The following ZNF248 variants were observed in gnomAD, a reference collection of about 807,000 sequenced individuals.
The protein encoded by ZNF248 is KRAB protein domain.
ZNF248 carries 20 observed loss-of-function variants against 44.3 expected under a neutral mutation model. The observed-to-expected ratio is 0.45, with a 90% CI of 0.32 to 0.66. The LOEUF (loss-of-function observed/expected upper bound fraction) is 0.66. Among genes scored for constraint, ZNF248 ranks in the 30% least tolerant of loss-of-function variants. The pLI is 0.04. For missense variants in ZNF248, 654 were observed against 677.0 expected (o/e 0.97, Z 0.38); for synonymous variants, 224 against 229.0 (o/e 0.98, Z 0.20).
intron 6 of ZNF248, among the ~76,000 whole-genome samples, chr10:37,808,354 C>G (rs1400530263): frequency 6.6e-6 from 1 of 151,380 alleles, no homozygotes; most frequent in East Asian, 1.9e-4. Context: ...GTGATCTCAG[C>G]TCACTGCAAC....
At chr10:37,824,482 T>G (rs1218852719), downstream of ZNF248, among the ~76,000 whole-genome samples, 2 of 152,082 alleles carry the variant, frequency 1.3e-5, no homozygotes, top group Non-Finnish European at 2.9e-5. Context: ...GTCTATTTAA[T>G]AAATGGTGTT....
chr10:37,832,292 T>C lies in ZNF248; in HGVS notation c.1063A>G (p.Asn355Asp), dbSNP rs1564574704. ...VHMGGKSYDYNENGSNFSKKS... is the reference protein window; with the variant it reads ...VHMGGKSYDYDENGSNFSKKS... ...TTGCTGAAATTACTCCCATTTTCAT[T>C]GTAATCATAAGACTTTCCCCCCATG... is the stretch of plus-strand genomic sequence containing the variant. Residue 355 changes from asparagine to aspartate, a missense_variant, in exon 6 of 6, where the codon AAT (asparagine) becomes GAT (aspartate). By Grantham distance (23) the Asn-to-Asp change is conservative. Transcript: ENST00000395867. 3.7e-6 allele frequency: 6 copies of C among 1,613,946 alleles called. No homozygotes were observed. Among genetic ancestry groups the C allele is most frequent in the African/African-American group, 1.3e-5 (1 of 74,926 alleles).
chr10:37,848,586 CA>C (rs11297654), intron 3 of ZNF248, among the ~76,000 whole-genome samples: 67,610 of 138,016 alleles, frequency 0.49, 15,621 homozygotes, highest in Admixed American at 0.54. Context: ...GACTCCGTCT[CA>C]AAAAAAAAAA....
At chr10:37,796,716 A>T (rs546391136) in intron 6 of ZNF248, among the ~76,000 whole-genome samples, 11 of 151,892 alleles carry the variant, frequency 7.2e-5, no homozygotes, top group Non-Finnish European at 1.6e-4. Context: ...TTTTGCAAAA[A>T]AAGTATTTGT....
downstream of ZNF248, among the ~76,000 whole-genome samples, chr10:37,773,202 A>G (rs1742240): frequency 0.06 from 9,116 of 152,272 alleles, 353 homozygotes; most frequent in Middle Eastern, 0.095. Context: ...CTGGGATCAC[A>G]CCACAGCACT....
the ZNF248 span, among the ~76,000 whole-genome samples, chr10:37,771,505 A>C: frequency 3.0e-4 from 31 of 102,778 alleles, no homozygotes; most frequent in Admixed American, 2.2e-3. Flanking sequence ...CATCATTCTC[A>C]GCAAACTATC....
At chr10:37,780,716 T>A (rs1402093497) in intron 6 of ZNF248, among the ~76,000 whole-genome samples, 2 of 152,042 alleles carry the variant, frequency 1.3e-5, no homozygotes, top group Non-Finnish European at 2.9e-5. Flanking sequence ...CGCGCGCACG[T>A]GCCCAAACTT....
At chr10:37,787,660 A>T (rs1271048800) in intron 6 of ZNF248, among the ~76,000 whole-genome samples, 1 of 150,538 alleles carries the variant, frequency 6.6e-6, no homozygotes, top group African/African-American at 2.4e-5. Context: ...AAAAAAAAAT[A>T]GTAACTTAGA....
chr10:37,803,721 T>G (rs982120402), intron 6 of ZNF248: 5 of 152,542 alleles, frequency 3.3e-5, no homozygotes, highest in Non-Finnish European at 7.3e-5. Flanking sequence ...GTAAATTTAG[T>G]TGGAACCTTC....
downstream of ZNF248, among the ~76,000 whole-genome samples, chr10:37,827,638 G>A (rs1183743974): frequency 3.9e-5 from 6 of 152,262 alleles, no homozygotes; most frequent in South Asian, 4.1e-4. Flanking sequence ...GTCACTGGAC[G>A]AGAGATGAAG....
chr10:37,837,834 A>T, intron 4 of ZNF248, 122 bp from the exon 5 acceptor site: 1 of 1,346,984 alleles, frequency 7.4e-7, no homozygotes, highest in South Asian at 1.4e-5. Context: ...CAAATGAACC[A>T]ATCTCTGACA....
chr10:37,846,250 A>C (rs1301449198), intron 3 of ZNF248, among the ~76,000 whole-genome samples: 1 of 152,246 alleles, frequency 6.6e-6, no homozygotes, highest in African/African-American at 2.4e-5. Flanking sequence ...GGTAACAGAA[A>C]GAGGAATTAT....
At position 37,831,514 on chromosome 10, in the gene ZNF248, G is replaced by C. The variant is rs374715608; in HGVS notation, c.*101C>G. The C allele has an allele frequency of 3.8e-5, 56 of 1,485,314 alleles. No homozygotes were observed. The African/African-American group carries it at 6.8e-4, about 18-fold the overall frequency. The allele number at this position is 1,485,314 out of a possible 1,614,324, so 92.0% of individuals were successfully genotyped here. ...TGAAAGCTTTTACATATTCAAACAA[G>C]AAGTCATTTTCTACAAATTTCTGAC... is the stretch of plus-strand genomic sequence containing the variant. On this transcript the variant is annotated 3_prime_UTR_variant, in exon 6 of 6. Transcript: ENST00000395867.
chr10:37,846,362 G>A (rs1047668731), intron 3 of ZNF248, among the ~76,000 whole-genome samples: 4 of 152,110 alleles, frequency 2.6e-5, no homozygotes, highest in Non-Finnish European at 4.4e-5. Flanking sequence ...AGCCAGGTGC[G>A]GTGGCTCATT....
chr10:37,835,710 C>A (rs1004477046), intron 5 of ZNF248, among the ~76,000 whole-genome samples: 2 of 152,178 alleles, frequency 1.3e-5, no homozygotes, highest in African/African-American at 2.4e-5. Context: ...GGAGGAGCAG[C>A]TGCAACCACG....
At chr10:37,769,877 T>C in the ZNF248 span, among the ~76,000 whole-genome samples, 17 of 152,234 alleles carry the variant, frequency 1.1e-4, no homozygotes, top group Admixed American at 4.6e-4. Flanking sequence ...GAAAACCCCA[T>C]TGTCTCAGCC....
Position 37,831,687 on chromosome 10 carries a change from G to A in ZNF248, c.1668C>T (p.Thr556=). ...KPYECNACGK[T]FSQRSVLTKH... ...TGGTGAGCACTGACCTCTGACTAAAGGTCTTCCCACATGCATTACACTCAT... is the reference window on the plus strand; with the variant it reads ...TGGTGAGCACTGACCTCTGACTAAAAGTCTTCCCACATGCATTACACTCAT... The change falls in exon 6 of 6, where the codon ACC becomes ACT. Residue 556 remains threonine, a synonymous_variant. Transcript: ENST00000395867. 6.2e-7 allele frequency: 1 copy of A among 1,613,904 alleles called. No individual in the cohort carries two copies.
chr10:37,782,986 G>A (rs1431270606), intron 6 of ZNF248, among the ~76,000 whole-genome samples: 2 of 152,148 alleles, frequency 1.3e-5, no homozygotes, highest in African/African-American at 4.8e-5. Context: ...ACACCTTGGG[G>A]CACCAAACCT....
chr10:37,843,006 G>C (rs551540052), intron 3 of ZNF248, among the ~76,000 whole-genome samples: 1 of 152,282 alleles, frequency 6.6e-6, no homozygotes, highest in East Asian at 1.9e-4. Context: ...CCCCAGCGCA[G>C]AGTCAATGTG....
Sources: allele counts gnomAD v4.1 joint callset (sites outside exome capture counted in the v4.1 genomes callset), GRCh38; gene constraint gnomAD v4.1.1; transcripts MANE v1.5; gene names NCBI Gene and HGNC (gene_info 2026-07-23, HGNC 2026-07-21).